The following SGCE variants were observed in gnomAD, a reference collection of about 807,000 sequenced individuals.
SGCE encodes the protein epsilon-sarcoglycan.
In SGCE, 26 loss-of-function variants were observed where a neutral mutation model predicts 57.8. That is an observed-to-expected ratio of 0.45 (90% CI 0.33 to 0.62). The LOEUF (loss-of-function observed/expected upper bound fraction) is 0.62, where lower values mean the gene tolerates loss of function less well. Among genes scored for constraint, SGCE ranks in the 20% least tolerant of loss-of-function variants. The pLI, the probability that SGCE is intolerant of heterozygous loss-of-function variation, is 0.02. For missense variants in SGCE, 468 were observed against 548.6 expected, an observed-to-expected ratio of 0.85 and a Z score of 1.47; for synonymous variants, 183 against 189.5, an observed-to-expected ratio of 0.97 and a Z score of 0.28.
intron 10 of SGCE, chr7:94,587,396 T>C: frequency 9.0e-7 from 1 of 1,116,692 alleles, no homozygotes; most frequent in South Asian, 4.1e-5. Flanking sequence ...TCCTACTCAC[T>C]CCATGCCTGA....
intron 7 of SGCE, 125 bp downstream of exon 7, chr7:94,600,521 G>A: frequency 1.4e-6 from 1 of 708,806 alleles, no homozygotes; most frequent in Non-Finnish European, 2.5e-6. Flanking sequence ...ATTGCAGTTT[G>A]GACACAATTT....
intron 1 of SGCE, 33 bp from the exon 2 acceptor site, chr7:94,629,874 A>G: frequency 3.7e-6 from 6 of 1,608,580 alleles, no homozygotes; most frequent in Non-Finnish European, 5.1e-6. Flanking sequence ...AGTGACAGAA[A>G]GACAAATAAT....
intron 1 of SGCE, among the ~76,000 whole-genome samples, chr7:94,632,707 C>T (rs889661329): frequency 1.3e-5 from 2 of 152,004 alleles, no homozygotes; most frequent in Non-Finnish European, 2.9e-5. Flanking sequence ...AGAGGAGTGC[C>T]CTTTGCCTTT....
At chr7:94,588,811 A>G (rs1018212288) in intron 9 of SGCE, 79 bp from the exon 10 acceptor site, 18 of 1,552,594 alleles carry the variant, frequency 1.2e-5, no homozygotes, top group Non-Finnish European at 1.6e-5. Context: ...TAGAATGAAA[A>G]ACTTTACGGG....
intron 5 of SGCE, chr7:94,616,970 T>C (rs557059372): frequency 6.6e-6 from 1 of 152,302 alleles, no homozygotes; most frequent in East Asian, 1.9e-4. Context: ...TCCAAATAAA[T>C]GCCACGGGAC....
chr7:94,586,855 A>G, intron 10 of SGCE: 1 of 985,304 alleles, frequency 1.0e-6, no homozygotes, highest in Admixed American at 6.1e-5. Context: ...TTGCATAATT[A>G]TAAAAAAAAA....
intron 6 of SGCE, among the ~76,000 whole-genome samples, chr7:94,602,091 C>G (rs1256333685): frequency 6.6e-6 from 1 of 152,058 alleles, no homozygotes; most frequent in African/African-American, 2.4e-5. Context: ...AACATAAACT[C>G]ATTTTCCAGA....
chr7:94,636,226 C>T (rs1210805499), intron 1 of SGCE, among the ~76,000 whole-genome samples: 3 of 152,166 alleles, frequency 2.0e-5, no homozygotes, highest in African/African-American at 7.2e-5. Flanking sequence ...AGGTTGCAAA[C>T]CATTGCTAAT....
chr7:94,633,100 C>G (rs1429320063), intron 1 of SGCE, among the ~76,000 whole-genome samples: 1 of 152,010 alleles, frequency 6.6e-6, no homozygotes, highest in Non-Finnish European at 1.5e-5. Context: ...GCCAAGGTAA[C>G]AGGGTCTGGC....
intron 1 of SGCE, among the ~76,000 whole-genome samples, chr7:94,638,132 G>C (rs1805843836): frequency 6.6e-6 from 1 of 152,160 alleles, no homozygotes; most frequent in Non-Finnish European, 1.5e-5. Flanking sequence ...GAGATCATGG[G>C]CCTGTGTCCT....
chr7:94,637,061 A>G (rs981288002), intron 1 of SGCE, among the ~76,000 whole-genome samples: 4 of 146,988 alleles, frequency 2.7e-5, no homozygotes, highest in African/African-American at 9.8e-5. Flanking sequence ...CTCCATCTCA[A>G]AAAAAAAAAA....
At chr7:94,590,937 C>T (rs1797590925) in intron 9 of SGCE, 1 of 151,920 alleles carries the variant, frequency 6.6e-6, no homozygotes, top group Admixed American at 6.6e-5. Flanking sequence ...TAGGTAACAC[C>T]TTTGAGAGTT....
chr7:94,643,737 T>C (rs1269164209), intron 1 of SGCE, among the ~76,000 whole-genome samples: 1 of 152,200 alleles, frequency 6.6e-6, no homozygotes, highest in Non-Finnish European at 1.5e-5. Flanking sequence ...TAACTTCTTG[T>C]ATAGAAAAGT....
chr7:94,603,211 G>A (rs1799546916), intron 6 of SGCE, 79 bp downstream of exon 6: 1 of 1,088,952 alleles, frequency 9.2e-7, no homozygotes, highest in African/African-American at 1.6e-5. Flanking sequence ...ATTCCTAAAA[G>A]CAGTTCAGGT....
chr7:94,600,925 GA>G, intron 6 of SGCE, 68 bp from the exon 7 acceptor site: 1 of 1,275,870 alleles, frequency 7.8e-7, no homozygotes, highest in East Asian at 2.4e-5. Flanking sequence ...TTAAGATCTG[GA>G]TACACTAAAG....
At chr7:94,608,683 C>T (rs754632877) in intron 5 of SGCE, among the ~76,000 whole-genome samples, 63 of 152,126 alleles carry the variant, frequency 4.1e-4, no homozygotes, top group Non-Finnish European at 1.2e-4. Context: ...TACTATAAAG[C>T]TACAGCAATC....
At chr7:94,598,648 T>C (rs1798765554) in intron 9 of SGCE, 127 bp downstream of exon 9, 1 of 775,998 alleles carries the variant, frequency 1.3e-6, no homozygotes, top group Non-Finnish European at 2.3e-6. Flanking sequence ...ATTTACACAA[T>C]GTCCTTTTGT....
chr7:94,599,552 A>G (rs1384545796), intron 8 of SGCE, 145 bp downstream of exon 8: 2 of 712,608 alleles, frequency 2.8e-6, no homozygotes, highest in African/African-American at 1.8e-5. Context: ...AAATATCTCT[A>G]TTTAGAAAGC....
At chr7:94,601,198 A>C (rs1799165181) in intron 6 of SGCE, among the ~76,000 whole-genome samples, 1 of 151,988 alleles carries the variant, frequency 6.6e-6, no homozygotes, top group Admixed American at 6.6e-5. Flanking sequence ...TACCATGTAA[A>C]TGTCTTATTT....
Sources: allele counts gnomAD v4.1 joint callset (sites outside exome capture counted in the v4.1 genomes callset), GRCh38; gene constraint gnomAD v4.1.1; transcripts MANE v1.5; gene names NCBI Gene and HGNC (gene_info 2026-07-23, HGNC 2026-07-21).